Variants in NKAIN2 observed in about 807,000 individuals in gnomAD.
NKAIN2 encodes sodium/potassium-transporting ATPase subunit beta-1-interacting protein 2.
Under a neutral mutation model 32.6 loss-of-function variants are expected in NKAIN2, and 14 were observed. The ratio of observed to expected loss-of-function variants is 0.43; its 90% CI spans 0.28 to 0.67. NKAIN2 has a LOEUF of 0.67. Among genes scored for constraint, NKAIN2 ranks in the 30% least tolerant of loss-of-function variants. The pLI is 0.17. For missense variants in NKAIN2, 198 were observed against 258.3 expected, an observed-to-expected ratio of 0.77 and a Z score of 1.60; for synonymous variants, 80 against 87.2, an observed-to-expected ratio of 0.92 and a Z score of 0.46.
chr6:124,638,820 G>T (rs955930256), intron 3 of NKAIN2, among the ~76,000 whole-genome samples: 5 of 147,690 alleles, frequency 3.4e-5, no homozygotes, highest in African/African-American at 1.2e-4. Context: ...GAACCTGGGA[G>T]GTGGATGTTG....
chr6:124,039,735 A>G (rs2114806414), intron 1 of NKAIN2, among the ~76,000 whole-genome samples: 1 of 151,986 alleles, frequency 6.6e-6, no homozygotes, highest in Non-Finnish European at 1.5e-5. Context: ...ATATATTTTT[A>G]TTGTTTATCT....
At chr6:124,433,375 A>G (rs1775299621) in intron 3 of NKAIN2, among the ~76,000 whole-genome samples, 1 of 152,216 alleles carries the variant, frequency 6.6e-6, no homozygotes, top group Non-Finnish European at 1.5e-5. Flanking sequence ...TTATGGTGGC[A>G]TTGCTGCCCT....
chr6:124,400,191 C>T (rs1773565548), intron 3 of NKAIN2, among the ~76,000 whole-genome samples: 1 of 152,082 alleles, frequency 6.6e-6, no homozygotes, highest in Non-Finnish European at 1.5e-5. Context: ...TTTAAAAATG[C>T]CTGGGCCACA....
At chr6:124,141,588 CAT>C (rs2114335436) in intron 1 of NKAIN2, among the ~76,000 whole-genome samples, 2 of 151,824 alleles carry the variant, frequency 1.3e-5, no homozygotes, top group African/African-American at 4.8e-5. Flanking sequence ...TTTTCTTGCT[CAT>C]TTTTTTTTCT....
chr6:123,935,674 A>G (rs1776469525), intron 1 of NKAIN2, among the ~76,000 whole-genome samples: 1 of 152,140 alleles, frequency 6.6e-6, no homozygotes, highest in South Asian at 2.1e-4. Context: ...TAATCTTTTT[A>G]TATCAGTTAT....
chr6:124,225,929 G>A (rs1255479085), intron 1 of NKAIN2, among the ~76,000 whole-genome samples: 1 of 151,916 alleles, frequency 6.6e-6, no homozygotes, highest in African/African-American at 2.4e-5. Context: ...TTTGTACACT[G>A]GTCATTTTTG....
chr6:124,418,838 ATTTG>A (rs1774617796), intron 3 of NKAIN2, among the ~76,000 whole-genome samples: 1 of 151,596 alleles, frequency 6.6e-6, no homozygotes, highest in African/African-American at 2.4e-5. Flanking sequence ...GGATCATTTG[ATTTG>A]GTTCTTTTAC....
At chr6:124,549,405 T>C (rs1487715186) in intron 3 of NKAIN2, among the ~76,000 whole-genome samples, 2 of 152,122 alleles carry the variant, frequency 1.3e-5, no homozygotes, top group Non-Finnish European at 2.9e-5. Flanking sequence ...TTTTTAATTT[T>C]TTTGAGGTAA....
intron 3 of NKAIN2, among the ~76,000 whole-genome samples, chr6:124,655,001 A>C (rs79416686): frequency 2.0e-4 from 30 of 152,304 alleles, no homozygotes; most frequent in African/African-American, 7.0e-4. Flanking sequence ...CTGTATTAGA[A>C]AGAGGAGCTA....
intron 1 of NKAIN2, among the ~76,000 whole-genome samples, chr6:124,115,733 C>G (rs1327684678): frequency 6.6e-6 from 1 of 151,986 alleles, no homozygotes; most frequent in Non-Finnish European, 1.5e-5. Context: ...ATCAGTTACA[C>G]CATATACCAT....
At chr6:124,326,612 T>G (rs1415413237) in intron 2 of NKAIN2, among the ~76,000 whole-genome samples, 1 of 152,164 alleles carries the variant, frequency 6.6e-6, no homozygotes, top group East Asian at 1.9e-4. Context: ...TACTCACCCT[T>G]ACCTCCAGGG....
chr6:124,072,488 A>C (rs1251588510), intron 1 of NKAIN2, among the ~76,000 whole-genome samples: 3 of 152,192 alleles, frequency 2.0e-5, no homozygotes, highest in Non-Finnish European at 4.4e-5. Flanking sequence ...TTAAAAAATA[A>C]CATTAAAAAA....
At chr6:123,841,233 C>T (rs367992572) in intron 1 of NKAIN2, among the ~76,000 whole-genome samples, 1 of 152,280 alleles carries the variant, frequency 6.6e-6, no homozygotes, top group South Asian at 2.1e-4. Flanking sequence ...TTTAACATAG[C>T]TCTCTCATTG....
intron 3 of NKAIN2, among the ~76,000 whole-genome samples, chr6:124,632,716 G>GTGTT (rs1403999360): frequency 2.0e-5 from 3 of 152,104 alleles, no homozygotes; most frequent in African/African-American, 7.2e-5. Context: ...ATACTTAAAA[G>GTGTT]TGTTTTATTT....
chr6:124,410,351 C>G (rs937227475), intron 3 of NKAIN2, among the ~76,000 whole-genome samples: 1 of 152,210 alleles, frequency 6.6e-6, no homozygotes, highest in Admixed American at 6.5e-5. Context: ...TTTCCCTCTA[C>G]ACACTGCTTT....
chr6:123,837,102 A>T (rs1473550801), intron 1 of NKAIN2, among the ~76,000 whole-genome samples: 1 of 152,160 alleles, frequency 6.6e-6, no homozygotes. Flanking sequence ...TTGTTTTACC[A>T]TCCAGGAATA....
chr6:123,937,842 A>G (rs985326314), intron 1 of NKAIN2, among the ~76,000 whole-genome samples: 1 of 152,082 alleles, frequency 6.6e-6, no homozygotes, highest in African/African-American at 2.4e-5. Context: ...TCAATTTCAC[A>G]GCCTTCTTTG....
chr6:123,926,218 C>G (rs1775996644), intron 1 of NKAIN2, among the ~76,000 whole-genome samples: 1 of 152,188 alleles, frequency 6.6e-6, no homozygotes, highest in Admixed American at 6.5e-5. Flanking sequence ...ATTCTCTCTG[C>G]TTTTTGCTCT....
intron 4 of NKAIN2, among the ~76,000 whole-genome samples, chr6:124,673,223 C>G (rs919513010): frequency 1.8e-4 from 27 of 152,084 alleles, no homozygotes; most frequent in African/African-American, 6.0e-4. Flanking sequence ...ATAGGATGTT[C>G]TTCTTTTTAA....
Sources: gnomAD v4.1 joint callset for allele counts (sites outside exome capture counted in the v4.1 genomes callset) on GRCh38, gnomAD v4.1.1 for gene constraint, MANE v1.5 for transcripts, NCBI Gene and HGNC (gene_info 2026-07-23, HGNC 2026-07-21) for gene names.